Variants in TCF12 observed in about 807,000 individuals in gnomAD.
TCF12 encodes transcription factor 12, also known as DNA-binding protein HTF4.
Under a neutral mutation model 86.0 loss-of-function variants are expected in TCF12, and 45 were observed. The ratio of observed to expected loss-of-function variants is 0.52; its 90% CI spans 0.41 to 0.67. The LOEUF is 0.67. Among genes scored for constraint, TCF12 ranks in the 30% least tolerant of loss-of-function variants. The pLI is 0.00. For synonymous variants in TCF12, 330 were observed against 299.6 expected, an observed-to-expected ratio of 1.10 and a Z score of -1.05; for missense variants, 881 against 859.9, an observed-to-expected ratio of 1.02 and a Z score of -0.31.
chr15:57,262,270 C>T, intron 17 of TCF12, 62 bp downstream of exon 17: 2 of 1,163,408 alleles, frequency 1.7e-6, no homozygotes, highest in Non-Finnish European at 2.5e-6. Context: ...AACACTGTCA[C>T]CTTTCTCACA....
intron 19 of TCF12, chr15:57,281,636 T>C (rs11635440): frequency 0.39 from 59,528 of 152,024 alleles, 14,525 homozygotes; most frequent in Non-Finnish European, 0.54. Flanking sequence ...CATAGGAGCA[T>C]GAACCCTATT....
At chr15:57,124,612 C>T (rs1370568966) in intron 5 of TCF12, among the ~76,000 whole-genome samples, 1 of 152,150 alleles carries the variant, frequency 6.6e-6, no homozygotes, top group Non-Finnish European at 1.5e-5. Flanking sequence ...CCTCCAACTG[C>T]TAATATCCTG....
At chr15:57,217,986 T>C (rs2058401340) in intron 8 of TCF12, among the ~76,000 whole-genome samples, 1 of 152,166 alleles carries the variant, frequency 6.6e-6, no homozygotes, top group African/African-American at 2.4e-5. Context: ...GCTTAGCCTT[T>C]TCTATATCTG....
At chr15:56,922,892 T>C (rs564822239) in intron 3 of TCF12, among the ~76,000 whole-genome samples, 199 of 152,066 alleles carry the variant, frequency 1.3e-3, no homozygotes, top group African/African-American at 4.6e-3. Context: ...AAGAAATTGG[T>C]ATAGTAACAT....
intron 6 of TCF12, among the ~76,000 whole-genome samples, chr15:57,177,265 ATT>A (rs3985739): frequency 0.081 from 9,182 of 112,740 alleles, 359 homozygotes; most frequent in Non-Finnish European, 0.12. Flanking sequence ...GCAATAGACA[ATT>A]TTTTTTTTTT....
intron 3 of TCF12, among the ~76,000 whole-genome samples, chr15:57,015,671 C>T (rs1225572305): frequency 6.6e-6 from 1 of 151,498 alleles, no homozygotes; most frequent in Non-Finnish European, 1.5e-5. Context: ...AGCCCCATGT[C>T]ATGTTTCTTA....
chr15:57,063,983 A>G (rs1324206087), intron 4 of TCF12, among the ~76,000 whole-genome samples, 160 bp downstream of exon 4: 13 of 152,202 alleles, frequency 8.5e-5, no homozygotes, highest in African/African-American at 3.1e-4. Context: ...TCTTTTTATA[A>G]GCTGTCAAAC....
chr15:57,210,508 C>T (rs566890193), intron 8 of TCF12, among the ~76,000 whole-genome samples: 27 of 152,136 alleles, frequency 1.8e-4, no homozygotes, highest in African/African-American at 6.0e-4. Flanking sequence ...TTTCTATTTA[C>T]ATGGACAGTG....
intron 3 of TCF12, among the ~76,000 whole-genome samples, chr15:56,958,736 G>T (rs550903325): frequency 6.7e-6 from 1 of 149,858 alleles, no homozygotes; most frequent in East Asian, 2.0e-4. Context: ...AGGCTGACAG[G>T]CATCGTGGCT....
At chr15:57,133,571 G>T (rs1246565702) in intron 5 of TCF12, among the ~76,000 whole-genome samples, 1 of 151,830 alleles carries the variant, frequency 6.6e-6, no homozygotes, top group East Asian at 1.9e-4. Flanking sequence ...CCCCACCGAG[G>T]TGATTGATTG....
intron 12 of TCF12, among the ~76,000 whole-genome samples, chr15:57,241,615 T>A (rs2059633543): frequency 6.6e-6 from 1 of 152,196 alleles, no homozygotes; most frequent in Non-Finnish European, 1.5e-5. Flanking sequence ...TGGCGTATTT[T>A]GTTTGAAGTG....
chr15:57,132,194 G>A (rs2052179307), intron 5 of TCF12, among the ~76,000 whole-genome samples: 2 of 152,114 alleles, frequency 1.3e-5, no homozygotes, highest in Admixed American at 1.3e-4. Context: ...ATCTTATTTT[G>A]ACTAATCACT....
intron 8 of TCF12, among the ~76,000 whole-genome samples, chr15:57,210,821 A>AACCT (rs2058072497): frequency 3.3e-5 from 5 of 152,156 alleles, no homozygotes; most frequent in Admixed American, 3.3e-4. Flanking sequence ...TAAACTTTCC[A>AACCT]ACCTACATAC....
chr15:56,941,564 A>G (rs1399144100), intron 3 of TCF12, among the ~76,000 whole-genome samples: 1 of 151,758 alleles, frequency 6.6e-6, no homozygotes, highest in Admixed American at 6.6e-5. Flanking sequence ...CAGTAGAGAC[A>G]GGGTTTCATT....
At chr15:57,148,696 C>T (rs1408167667) in intron 5 of TCF12, among the ~76,000 whole-genome samples, 7 of 73,752 alleles carry the variant, frequency 9.5e-5, no homozygotes, top group South Asian at 6.0e-4. Flanking sequence ...GCCTGGGTGA[C>T]GTGGCAAAAA....
chr15:56,959,742 T>C (rs1013398392), intron 3 of TCF12, among the ~76,000 whole-genome samples: 1 of 152,192 alleles, frequency 6.6e-6, no homozygotes, highest in Non-Finnish European at 1.5e-5. Flanking sequence ...GGATATCAAA[T>C]GCTTATTTTG....
intron 3 of TCF12, among the ~76,000 whole-genome samples, chr15:57,022,404 T>A (rs542293145): frequency 6.6e-6 from 1 of 152,332 alleles, no homozygotes; most frequent in East Asian, 1.9e-4. Context: ...AACTCATCCT[T>A]TTTATGGCTG....
chr15:56,939,444 A>C (rs1457345988), intron 3 of TCF12, among the ~76,000 whole-genome samples: 2 of 152,178 alleles, frequency 1.3e-5, no homozygotes, highest in Admixed American at 6.5e-5. Flanking sequence ...GCTTTTGATG[A>C]ATATTGAACA....
chr15:57,113,278 C>T (rs2050621047), intron 5 of TCF12, among the ~76,000 whole-genome samples: 1 of 152,194 alleles, frequency 6.6e-6, no homozygotes, highest in South Asian at 2.1e-4. Flanking sequence ...ACATCTGTAG[C>T]TTCGGAAATA....
Sources: allele counts gnomAD v4.1 joint callset (sites outside exome capture counted in the v4.1 genomes callset), GRCh38; gene constraint gnomAD v4.1.1; transcripts MANE v1.5; gene names NCBI Gene and HGNC (gene_info 2026-07-23, HGNC 2026-07-21).